COPB2: variants seen among roughly 807,000 people sequenced by gnomAD.
COPB2 encodes the protein coatomer subunit beta'.
In COPB2, 16 loss-of-function variants were observed where a neutral mutation model predicts 120.8. The observed-to-expected ratio is 0.13, with a 90% CI of 0.09 to 0.20. COPB2 has a LOEUF of 0.20. COPB2 is among the 10% of genes least tolerant of loss of function. The pLI, the probability that COPB2 is intolerant of heterozygous loss-of-function variation, is 1.00. For synonymous variants in COPB2, 332 were observed against 366.3 expected, an observed-to-expected ratio of 0.91 and a Z score of 1.07; for missense variants, 794 against 1,076.5, an observed-to-expected ratio of 0.74 and a Z score of 3.67.
At chr3:139,380,461 C>A (rs1941790616) in intron 2 of COPB2, 1 of 152,080 alleles carries the variant, frequency 6.6e-6, no homozygotes, top group Non-Finnish European at 1.5e-5. Context: ...CCGAGCTGCT[C>A]AGAATGGAAT....
At chr3:139,379,580 C>T in intron 2 of COPB2, 114 bp from the exon 3 acceptor site, 1 of 792,302 alleles carries the variant, frequency 1.3e-6, no homozygotes, top group Non-Finnish European at 2.0e-6. Context: ...TTAGTATATT[C>T]TCAGGCTAAA....
chr3:139,369,461 G>C lies in COPB2; in HGVS notation c.1289C>G (p.Ala430Gly), dbSNP rs1373994963. The C allele has an allele frequency of 1.2e-6, 2 of 1,609,242 alleles. No homozygotes were observed. The highest frequency in any genetic ancestry group is 4.5e-5 in the East Asian group (2 of 44,818). ...EKKSFKPDFG[A>G]ESIYGGFLLG... ...CATATGTAGATCACACTCACTTTCT[G>C]CTCCAAAATCTGGTTTAAATGATTT... Residue 430 changes from alanine (A) to glycine (G), a missense_variant, in exon 11 of 22, where the codon GCA becomes GGA. This residue lies in a region of COPB2 where 610 missense variants were observed against 866.7 expected (regional missense o/e 0.70). Transcript: ENST00000333188.
chr3:139,366,278 G>A (rs1490413264), intron 15 of COPB2, among the ~76,000 whole-genome samples: 1 of 151,852 alleles, frequency 6.6e-6, no homozygotes, highest in Non-Finnish European at 1.5e-5. Flanking sequence ...ATGGGATAAA[G>A]CTAAAAATGC....
At chr3:139,376,233 G>A (rs890144974) in intron 5 of COPB2, among the ~76,000 whole-genome samples, 1 of 151,902 alleles carries the variant, frequency 6.6e-6, no homozygotes, top group African/African-American at 2.4e-5. Context: ...CTCCAGCCTA[G>A]GCAACACAGA....
chr3:139,386,617 A>AT (rs1941929231), intron 1 of COPB2, among the ~76,000 whole-genome samples: 1 of 152,090 alleles, frequency 6.6e-6, no homozygotes, highest in Non-Finnish European at 1.5e-5. Context: ...ATAAATTACT[A>AT]TTACAAATTT....
At position 139,362,402 on chromosome 3, in the gene COPB2, C is replaced by T; in HGVS notation, c.1995+5G>A. On this transcript the variant is annotated splice_donor_5th_base_variant and intron_variant, in intron 16 of 21. Transcript: ENST00000333188. Reference sequence around the variant, plus strand: ...AGTTATGAAAAATCATGAATTAGTACATACCTCTGCTTCCACTGCTAACTG... The same window carrying T: ...AGTTATGAAAAATCATGAATTAGTATATACCTCTGCTTCCACTGCTAACTG... 3 of 1,597,350 alleles carry T rather than the reference C, an allele frequency of 1.9e-6. No homozygotes were observed. Among genetic ancestry groups the T allele is most frequent in the African/African-American group, 1.3e-5 (1 of 74,670 alleles).
At chr3:139,385,016 T>C (rs994186238) in intron 1 of COPB2, 8 of 152,270 alleles carry the variant, frequency 5.3e-5, no homozygotes, top group African/African-American at 1.9e-4. Flanking sequence ...TTTTTCTTTT[T>C]GAGACGAAGT....
intron 2 of COPB2, chr3:139,382,006 A>G (rs915966804): frequency 2.6e-5 from 4 of 152,234 alleles, no homozygotes; most frequent in African/African-American, 9.7e-5. Flanking sequence ...AGTGAAATGC[A>G]TATTATTCAT....
At chr3:139,381,924 G>T (rs964819602) in intron 2 of COPB2, 1 of 144,178 alleles carries the variant, frequency 6.9e-6, no homozygotes, top group African/African-American at 2.6e-5. Flanking sequence ...AAAGTTATTT[G>T]CATCAAAGCA....
At chr3:139,359,888 A>C (rs1454502049) in intron 17 of COPB2, among the ~76,000 whole-genome samples, 1 of 152,160 alleles carries the variant, frequency 6.6e-6, no homozygotes, top group Non-Finnish European at 1.5e-5. Context: ...CAGTATGTAT[A>C]CTATGTATTA....
At chr3:139,378,320 CAAAT>C (rs1259284010) in intron 4 of COPB2, 131 bp from the exon 5 acceptor site, 6 of 823,498 alleles carry the variant, frequency 7.3e-6, no homozygotes, top group Non-Finnish European at 1.0e-5. Context: ...GAATCAAAAC[CAAAT>C]AGAGTTTTCA....
At chr3:139,361,577 A>T (rs1480235200) in intron 16 of COPB2, among the ~76,000 whole-genome samples, 5 of 152,218 alleles carry the variant, frequency 3.3e-5, no homozygotes, top group African/African-American at 1.2e-4. Flanking sequence ...AAGTAAAACC[A>T]TCTCACTGGA....
At position 139,369,443 on chromosome 3, in the gene COPB2, A is replaced by C. The variant is rs534096790; in HGVS notation, c.1294+13T>G. The C allele has an allele frequency of 1.3e-4, 206 of 1,606,934 alleles. 3 individuals carry two copies. The South Asian group carries it at 2.1e-3, about 17-fold the overall frequency. On this transcript the variant is annotated intron_variant, in intron 11 of 21. Transcript: ENST00000333188. ...AAGAATTTAAAAATGTATCATATGT[A>C]GATCACACTCACTTTCTGCTCCAAA...
chr3:139,373,495 CAG>C (rs903168725), intron 8 of COPB2, 83 bp from the exon 9 acceptor site: 72 of 1,529,780 alleles, frequency 4.7e-5, no homozygotes, highest in Non-Finnish European at 6.1e-5. Context: ...TTTCACCTAA[CAG>C]AGAGCTCCAT....
At chr3:139,389,495 G>A in intron 1 of COPB2, 53 bp downstream of exon 1, 4 of 1,522,606 alleles carry the variant, frequency 2.6e-6, no homozygotes, top group Non-Finnish European at 3.6e-6. Flanking sequence ...GAAGCTCCAG[G>A]AATCGGCCGT....
chr3:139,382,619 G>A (rs6781318), intron 2 of COPB2: 22,093 of 152,170 alleles, frequency 0.15, 2,282 homozygotes, highest in African/African-American at 0.3. Flanking sequence ...CCTCAAATGC[G>A]AATTTTACCT....
At position 139,372,952 on chromosome 3, in the gene COPB2, C is replaced by T. The variant is rs537466877; in HGVS notation, c.1094+261G>A. ...CACAAAAACACAAACTCAATGCATG[C>T]GAAATAACAGGAAACTACTATTTAA... is the stretch of plus-strand genomic sequence containing the variant. On this transcript the variant is annotated intron_variant, in intron 9 of 21. Transcript: ENST00000333188. Among the ~76,000 whole-genome samples, 29 of 152,218 alleles carry T rather than the reference C, an allele frequency of 1.9e-4. No homozygotes were observed. In the South Asian group the frequency reaches 4.3e-3, roughly 23 times the overall value.
chr3:139,358,965 CAATA>C, intron 19 of COPB2, 29 bp downstream of exon 19: 1 of 1,603,844 alleles, frequency 6.2e-7, no homozygotes, highest in Non-Finnish European at 8.5e-7. Context: ...CCTGTAGTTA[CAATA>C]AATGAAGCTT....
chr3:139,373,479 T>C, intron 8 of COPB2, 67 bp from the exon 9 acceptor site: 1 of 1,570,366 alleles, frequency 6.4e-7, no homozygotes, highest in Non-Finnish European at 8.7e-7. Flanking sequence ...CAAAACAGAT[T>C]ATTTTTTTCA....
Sources: allele counts gnomAD v4.1 joint callset (sites outside exome capture counted in the v4.1 genomes callset), GRCh38; gene constraint gnomAD v4.1.1; regional missense constraint gnomAD v4.1.1; transcripts MANE v1.5; gene names NCBI Gene and HGNC (gene_info 2026-07-23, HGNC 2026-07-21).